The following CACHD1 variants were observed in gnomAD, a reference collection of about 807,000 sequenced individuals.
CACHD1 encodes the protein VWFA and cache domain-containing protein 1.
Under a neutral mutation model 138.7 loss-of-function variants are expected in CACHD1, and 71 were observed. That is an observed-to-expected ratio of 0.51 (90% CI 0.42 to 0.62). The LOEUF (loss-of-function observed/expected upper bound fraction) is 0.62. CACHD1 is among the 20% of genes least tolerant of loss of function. The probability of loss-of-function intolerance (pLI) is 0.00; values close to 1 mark genes in which losing one functional copy is unlikely to be tolerated. For synonymous variants in CACHD1, 578 were observed against 591.5 expected (o/e 0.98, Z 0.33); for missense variants, 1,389 against 1,625.3 (o/e 0.85, Z 2.50).
In CACHD1 at chr1:64,687,063, ACCT is replaced by A. The variant is rs79941335; in HGVS notation, c.3587-4256_3587-4254del. 9.1e-4 allele frequency among the ~76,000 whole-genome samples: 138 copies of A among 152,244 alleles called. No individual in the cohort carries two copies. The East Asian group carries it at 0.021, about 24-fold the overall frequency. ...CTCGGCTCTTTTTGATAGATGCCTG[ACCT>A]CCTTTCTAAAGCCCATTTCCCACTT... is the stretch of plus-strand genomic sequence containing the variant. On this transcript the variant is annotated intron_variant, in intron 26 of 26. Transcript: ENST00000651257.
intron 3 of CACHD1, among the ~76,000 whole-genome samples, chr1:64,593,605 A>C (rs974191648): frequency 1.3e-5 from 2 of 152,114 alleles, no homozygotes; most frequent in African/African-American, 4.8e-5. Context: ...TGCCCAATGA[A>C]GTGTTGTATG....
intron 4 of CACHD1, among the ~76,000 whole-genome samples, chr1:64,628,241 C>T (rs747340308): frequency 3.9e-5 from 6 of 152,184 alleles, no homozygotes; most frequent in Non-Finnish European, 7.3e-5. Flanking sequence ...GTCAAATACA[C>T]CTCATGCATT....
chr1:64,629,504 G>A (rs1378095530), intron 5 of CACHD1, 23 bp downstream of exon 5: 4 of 1,609,302 alleles, frequency 2.5e-6, no homozygotes, highest in Non-Finnish European at 3.4e-6. Context: ...GCATGCTAAA[G>A]TTTTTAATTA....
At chr1:64,578,986 A>G (rs980207905) in intron 2 of CACHD1, among the ~76,000 whole-genome samples, 5 of 152,150 alleles carry the variant, frequency 3.3e-5, no homozygotes, top group Admixed American at 3.3e-4. Context: ...CTATAAAACC[A>G]CTACACTAGG....
At chr1:64,574,557 G>A (rs887302004) in intron 2 of CACHD1, among the ~76,000 whole-genome samples, 2 of 152,036 alleles carry the variant, frequency 1.3e-5, no homozygotes, top group South Asian at 2.1e-4. Context: ...CCTTCTCCAC[G>A]TACAGAGAAT....
chr1:64,503,863 CCTGTGACG>C (rs1043224965), intron 1 of CACHD1, among the ~76,000 whole-genome samples: 1 of 152,138 alleles, frequency 6.6e-6, no homozygotes, highest in African/African-American at 2.4e-5. Context: ...AGCATAGTGA[CCTGTGACG>C]CTGTTTCCCT....
intron 13 of CACHD1, among the ~76,000 whole-genome samples, chr1:64,661,215 AAAT>A (rs1386941875): frequency 6.6e-6 from 1 of 152,206 alleles, no homozygotes; most frequent in Non-Finnish European, 1.5e-5. Flanking sequence ...GCCAGGTCTT[AAAT>A]ATATGTCACC....
chr1:64,602,330 G>A (rs1462081186), intron 3 of CACHD1, among the ~76,000 whole-genome samples: 4 of 152,106 alleles, frequency 2.6e-5, no homozygotes, highest in African/African-American at 9.7e-5. Flanking sequence ...TAGTGACAGA[G>A]CAGGGTTTCA....
chr1:64,544,659 A>T (rs1293049560), intron 1 of CACHD1, among the ~76,000 whole-genome samples: 1 of 151,068 alleles, frequency 6.6e-6, no homozygotes, highest in African/African-American at 2.4e-5. Context: ...CTTGGAGTAG[A>T]GGTAGGGGGA....
intron 26 of CACHD1, among the ~76,000 whole-genome samples, chr1:64,685,344 C>CTGTGT (rs1650332782): frequency 6.6e-6 from 1 of 152,146 alleles, no homozygotes; most frequent in Non-Finnish European, 1.5e-5. Context: ...AAAGTACACT[C>CTGTGT]TGTGACATTT....
chr1:64,470,790 C>G lies in CACHD1; in HGVS notation c.46C>G (p.Arg16Gly), dbSNP rs773198194. ...AGAGGAGACGGCCGTGGCCCGGGCG[C>G]GGCGGCCGCCCCTCTGGCTGCTCTG... ...EEEETAVARA[R>G]RPPLWLLCLV... Residue 16 changes from arginine to glycine, a missense_variant, in exon 1 of 27, where the codon CGG becomes GGG. Around this residue, in one of 5 missense-constraint regions of CACHD1, gnomAD observed 1,000 missense variants for 1,114.7 expected, o/e 0.90. Coordinates refer to ENST00000651257, the MANE Select transcript of CACHD1 (RefSeq NM_020925.4). This position sits in a 1 kb window ranked among gnomAD's most constrained non-coding sequence, Gnocchi z 5.2. 3.5e-6 allele frequency: 4 copies of G among 1,145,686 alleles called. No homozygotes were observed. Among genetic ancestry groups the G allele is most frequent in the Non-Finnish European group, 5.0e-6 (4 of 804,904 alleles). The allele number at this position is 1,145,686 out of a possible 1,614,324, so 71.0% of individuals were successfully genotyped here.
At chr1:64,659,691 G>A (rs537346825) in intron 13 of CACHD1, among the ~76,000 whole-genome samples, 5 of 152,304 alleles carry the variant, frequency 3.3e-5, no homozygotes, top group Middle Eastern at 6.8e-3. Flanking sequence ...CTAGGCATTC[G>A]TGGTCTATGT....
chr1:64,666,847 T>TC (rs1557547764), intron 16 of CACHD1, among the ~76,000 whole-genome samples: 1 of 60,846 alleles, frequency 1.6e-5, no homozygotes, highest in African/African-American at 8.2e-5. Context: ...AGATCCTGTC[T>TC]CAAAAAAAAA....
At chr1:64,612,818 G>T (rs978455380) in intron 4 of CACHD1, among the ~76,000 whole-genome samples, 1 of 152,196 alleles carries the variant, frequency 6.6e-6, no homozygotes, top group Non-Finnish European at 1.5e-5. Context: ...TGTCCACTCT[G>T]CAGCCAATGG....
chr1:64,631,159 G>T (rs1215536485), intron 5 of CACHD1, among the ~76,000 whole-genome samples: 1 of 152,210 alleles, frequency 6.6e-6, no homozygotes, highest in Non-Finnish European at 1.5e-5. Flanking sequence ...ACAACTTAAT[G>T]TGACAATGCC....
At chr1:64,614,034 G>T (rs1647621583) in intron 4 of CACHD1, among the ~76,000 whole-genome samples, 1 of 152,136 alleles carries the variant, frequency 6.6e-6, no homozygotes, top group South Asian at 2.1e-4. Flanking sequence ...CTTCATTCTG[G>T]TTACACTGGG....
At chr1:64,619,558 A>C (rs1327441950) in intron 4 of CACHD1, among the ~76,000 whole-genome samples, 1 of 152,160 alleles carries the variant, frequency 6.6e-6, no homozygotes, top group Non-Finnish European at 1.5e-5. Flanking sequence ...TGTATTGCAG[A>C]GCCTTACATA....
At chr1:64,672,612 C>T (rs1649852740) in intron 17 of CACHD1, among the ~76,000 whole-genome samples, 1 of 152,088 alleles carries the variant, frequency 6.6e-6, no homozygotes, top group African/African-American at 2.4e-5. Flanking sequence ...ATGTAAGGTT[C>T]AGTACTATCA....
intron 2 of CACHD1, among the ~76,000 whole-genome samples, chr1:64,567,504 CATTAA>C (rs1042216564): frequency 2.6e-5 from 4 of 152,064 alleles, no homozygotes; most frequent in Non-Finnish European, 5.9e-5. Context: ...TAAGTCATCC[CATTAA>C]ATTTGTGCCA....
Sources: allele counts gnomAD v4.1 joint callset (sites outside exome capture counted in the v4.1 genomes callset), GRCh38; gene constraint gnomAD v4.1.1; regional missense constraint gnomAD v4.1.1; non-coding constraint Gnocchi (gnomAD v3.1); transcripts MANE v1.5; gene names NCBI Gene and HGNC (gene_info 2026-07-23, HGNC 2026-07-21).